The following ELMO1 variants were observed in gnomAD, a reference collection of about 807,000 sequenced individuals.
ELMO1 encodes engulfment and cell motility protein 1.
Under a neutral mutation model 98.9 loss-of-function variants are expected in ELMO1, and 26 were observed. The observed-to-expected ratio is 0.26, with a 90% CI of 0.19 to 0.36. ELMO1 has a LOEUF of 0.36. Among genes scored for constraint, ELMO1 ranks in the 10% least tolerant of loss-of-function variants. The probability of loss-of-function intolerance (pLI) is 1.00; values close to 1 mark genes in which losing one functional copy is unlikely to be tolerated. For synonymous variants in ELMO1, 346 were observed against 346.0 expected (o/e 1.00, Z 0.00); for missense variants, 627 against 935.2 (o/e 0.67, Z 4.30).
chr7:37,125,671 A>T (rs1563019173), intron 14 of ELMO1, among the ~76,000 whole-genome samples: 1 of 152,218 alleles, frequency 6.6e-6, no homozygotes, highest in Non-Finnish European at 1.5e-5. Context: ...GGATGTGGAG[A>T]AACAGGAACA....
At chr7:37,422,541 T>C (rs762755863) in intron 1 of ELMO1, among the ~76,000 whole-genome samples, 1 of 152,226 alleles carries the variant, frequency 6.6e-6, no homozygotes, top group Non-Finnish European at 1.5e-5. Flanking sequence ...TACAAGACTT[T>C]TAAGGAATTT....
intron 4 of ELMO1, among the ~76,000 whole-genome samples, chr7:37,303,199 T>A (rs905053282): frequency 1.3e-5 from 2 of 152,210 alleles, no homozygotes; most frequent in African/African-American, 4.8e-5. Flanking sequence ...TTTCTGACCT[T>A]GTAGAGCAAA....
Position 37,442,885 on chromosome 7 carries a change from G to A in ELMO1, c.-74+5790C>T, listed in dbSNP as rs894727249. Among the ~76,000 whole-genome samples the A allele has an allele frequency of 2.6e-5, 4 of 152,362 alleles. 1 individual carries two copies. In the Middle Eastern group the frequency reaches 0.01, roughly 389 times the overall value. On this transcript the variant is annotated intron_variant, in intron 1 of 21. Coordinates refer to ENST00000310758, the MANE Select transcript of ELMO1 (RefSeq NM_014800.11). ...AACCAACAAAAGAAGGAACTAACCA[G>A]TGCAGACATCATGGTGCAGGAGAAA...
intron 1 of ELMO1, among the ~76,000 whole-genome samples, chr7:37,365,687 A>G (rs572657366): frequency 1.3e-5 from 2 of 152,368 alleles, no homozygotes; most frequent in African/African-American, 4.8e-5. Flanking sequence ...TAACCAATGC[A>G]TTAATCAACG....
intron 15 of ELMO1, among the ~76,000 whole-genome samples, chr7:37,038,788 G>T (rs1322229149): frequency 1.3e-5 from 2 of 152,178 alleles, no homozygotes; most frequent in Non-Finnish European, 2.9e-5. Context: ...AGCATGGTTG[G>T]GTTCTGGTGA....
At chr7:36,861,203 G>C (rs941588794) in intron 21 of ELMO1, among the ~76,000 whole-genome samples, 2 of 152,154 alleles carry the variant, frequency 1.3e-5, no homozygotes, top group African/African-American at 2.4e-5. Context: ...AGGAATAAAA[G>C]CATCTCGAAA....
intron 4 of ELMO1, among the ~76,000 whole-genome samples, chr7:37,307,878 G>C (rs1289553668): frequency 6.6e-6 from 1 of 152,168 alleles, no homozygotes; most frequent in African/African-American, 2.4e-5. Flanking sequence ...GTGGGAGGCC[G>C]AGGCGGGCAG....
intron 16 of ELMO1, among the ~76,000 whole-genome samples, chr7:36,965,282 C>G (rs1305763407): frequency 6.6e-6 from 1 of 152,210 alleles, no homozygotes; most frequent in Non-Finnish European, 1.5e-5. Context: ...TTCCTCCTCA[C>G]TACTGCAGCC....
chr7:36,929,550 TAAGCA>T (rs1290832670), intron 16 of ELMO1, among the ~76,000 whole-genome samples: 28 of 152,314 alleles, frequency 1.8e-4, no homozygotes, highest in African/African-American at 6.3e-4. Flanking sequence ...AAACCTTTAT[TAAGCA>T]TGCTTTATGG....
chr7:36,905,164 G>T (rs1404241711), intron 16 of ELMO1, among the ~76,000 whole-genome samples: 1 of 152,214 alleles, frequency 6.6e-6, no homozygotes, highest in African/African-American at 2.4e-5. Context: ...AGGATTGGGA[G>T]AAAATGGCTA....
intron 1 of ELMO1, among the ~76,000 whole-genome samples, chr7:37,427,991 C>T (rs1439767088): frequency 1.3e-5 from 2 of 151,376 alleles, no homozygotes; most frequent in Non-Finnish European, 2.9e-5. Flanking sequence ...ACCCCAAAGG[C>T]ATTTTATCTT....
intron 4 of ELMO1, among the ~76,000 whole-genome samples, chr7:37,274,135 C>T (rs1029427419): frequency 3.3e-5 from 5 of 152,166 alleles, no homozygotes; most frequent in African/African-American, 9.7e-5. Context: ...TACTGAATGC[C>T]TCTTGGCAGG....
chr7:37,070,916 G>A (rs1415034829), intron 15 of ELMO1, among the ~76,000 whole-genome samples: 1 of 152,162 alleles, frequency 6.6e-6, no homozygotes, highest in Admixed American at 6.6e-5. Flanking sequence ...TTAACTCAAT[G>A]AGATTAGTGG....
intron 13 of ELMO1, among the ~76,000 whole-genome samples, chr7:37,142,215 T>A (rs1787686991): frequency 6.6e-6 from 1 of 152,220 alleles, no homozygotes. Context: ...AAAAAGTAAC[T>A]TGCCATTAAA....
At chr7:37,292,901 C>G (rs1797808685) in intron 4 of ELMO1, among the ~76,000 whole-genome samples, 1 of 85,798 alleles carries the variant, frequency 1.2e-5, no homozygotes, top group African/African-American at 3.9e-5. Context: ...CCAGCCGCCC[C>G]GTCCGGGAGG....
At chr7:37,096,818 A>T (rs1393812099) in intron 14 of ELMO1, 91 bp from the exon 15 acceptor site, 17 of 1,179,662 alleles carry the variant, frequency 1.4e-5, no homozygotes, top group Non-Finnish European at 2.0e-5. Flanking sequence ...GAATACATAG[A>T]TCCACTTCAG....
intron 16 of ELMO1, among the ~76,000 whole-genome samples, chr7:36,954,908 G>A (rs1487058061): frequency 1.3e-5 from 2 of 152,160 alleles, no homozygotes; most frequent in African/African-American, 4.8e-5. Context: ...AAGCGTACCA[G>A]GTGAGACATG....
intron 16 of ELMO1, among the ~76,000 whole-genome samples, chr7:36,910,694 G>C (rs1324194925): frequency 6.6e-6 from 1 of 152,202 alleles, no homozygotes; most frequent in Non-Finnish European, 1.5e-5. Flanking sequence ...TTGCACTGTA[G>C]GGGAAGGGTT....
intron 1 of ELMO1, among the ~76,000 whole-genome samples, chr7:37,438,367 C>T (rs1805238810): frequency 6.8e-6 from 1 of 148,042 alleles, no homozygotes; most frequent in African/African-American, 2.5e-5. Flanking sequence ...GCAGGAGGAT[C>T]ACGAGGTCAG....
Sources: allele counts gnomAD v4.1 joint callset (sites outside exome capture counted in the v4.1 genomes callset), GRCh38; gene constraint gnomAD v4.1.1; transcripts MANE v1.5; gene names NCBI Gene and HGNC (gene_info 2026-07-23, HGNC 2026-07-21).